The following FAM163A variants were observed in gnomAD, a reference collection of about 807,000 sequenced individuals.
FAM163A encodes the protein family with sequence similarity 163 member A.
Under a neutral mutation model 12.0 loss-of-function variants are expected in FAM163A, and 7 were observed. The ratio of observed to expected loss-of-function variants is 0.58; its 90% CI spans 0.33 to 1.10. The LOEUF is 1.10. Ranked by LOEUF, FAM163A falls within the 50% of genes least tolerant of loss-of-function variation. FAM163A has a pLI of 0.03. For synonymous variants in FAM163A, 101 were observed against 91.0 expected (o/e 1.11, Z -0.62); for missense variants, 202 against 218.6 (o/e 0.92, Z 0.48).
intron 1 of FAM163A, among the ~76,000 whole-genome samples, chr1:179,782,164 A>G (rs562946016): frequency 1.5e-4 from 23 of 152,254 alleles, no homozygotes; most frequent in Non-Finnish European, 2.9e-4. Context: ...AGCATGCCGG[A>G]CAAGGACCAG....
intron 1 of FAM163A, among the ~76,000 whole-genome samples, chr1:179,781,920 C>A (rs1214459295): frequency 8.5e-6 from 1 of 117,962 alleles, no homozygotes; most frequent in Admixed American, 1.1e-4. Context: ...GGCAACAGAG[C>A]AAGAATCCGT....
chr1:179,746,865 G>C (rs1397023430), intron 1 of FAM163A, among the ~76,000 whole-genome samples: 1 of 152,160 alleles, frequency 6.6e-6, no homozygotes, highest in Non-Finnish European at 1.5e-5. Context: ...GTATTCCTTT[G>C]AAATATACAG....
chr1:179,782,299 T>C (rs915601969), intron 1 of FAM163A, among the ~76,000 whole-genome samples: 9 of 151,968 alleles, frequency 5.9e-5, no homozygotes, highest in African/African-American at 2.2e-4. Context: ...CTGGGACTCA[T>C]TGAATTAGCC....
At chr1:179,792,531 G>T in intron 1 of FAM163A, among the ~76,000 whole-genome samples, 1 of 152,092 alleles carries the variant, frequency 6.6e-6, no homozygotes, top group East Asian at 1.9e-4. Context: ...GATTATTAAT[G>T]TTACCTGTTT....
intron 1 of FAM163A, among the ~76,000 whole-genome samples, chr1:179,749,825 C>CTCCA (rs1410510275): frequency 1.3e-5 from 2 of 152,130 alleles, no homozygotes; most frequent in Non-Finnish European, 2.9e-5. Context: ...TGCCACTGCG[C>CTCCA]TCCAGCCTGG....
At chr1:179,769,285 A>G (rs563712330) in intron 1 of FAM163A, among the ~76,000 whole-genome samples, 1 of 151,908 alleles carries the variant, frequency 6.6e-6, no homozygotes, top group East Asian at 1.9e-4. Context: ...AGCTGAGACC[A>G]CAGTTGCATG....
chr1:179,783,303 G>C (rs556946881), intron 1 of FAM163A, among the ~76,000 whole-genome samples: 1 of 152,226 alleles, frequency 6.6e-6, no homozygotes, highest in South Asian at 2.1e-4. Flanking sequence ...GTTGATTACT[G>C]TTAATAACTA....
At chr1:179,780,306 T>C (rs1327202776) in intron 1 of FAM163A, among the ~76,000 whole-genome samples, 3 of 152,212 alleles carry the variant, frequency 2.0e-5, no homozygotes, top group Non-Finnish European at 4.4e-5. Flanking sequence ...TGCAAGCACA[T>C]TAAGGAATTA....
the FAM163A span, among the ~76,000 whole-genome samples, chr1:179,736,419 TA>T: frequency 6.6e-6 from 1 of 151,656 alleles, no homozygotes; most frequent in Non-Finnish European, 1.5e-5. Context: ...AAATGGTATA[TA>T]AAAAAGTGTT....
At chr1:179,755,893 T>A (rs1281435385) in intron 1 of FAM163A, among the ~76,000 whole-genome samples, 2 of 152,160 alleles carry the variant, frequency 1.3e-5, no homozygotes, top group South Asian at 2.1e-4. Flanking sequence ...AGAGGACCAT[T>A]CCCCACCTCT....
chr1:179,791,208 GTGTCGGCAGTAACAC>G (rs2148249179), intron 1 of FAM163A, among the ~76,000 whole-genome samples: 1 of 152,270 alleles, frequency 6.6e-6, no homozygotes, highest in African/African-American at 2.4e-5. Context: ...TGAGACTTCA[GTGTCGGCAGTAACAC>G]TGCCGACTGG....
chr1:179,738,950 G>A (rs1478959981), upstream of FAM163A, among the ~76,000 whole-genome samples: 1 of 152,134 alleles, frequency 6.6e-6, no homozygotes, highest in East Asian at 1.9e-4. Flanking sequence ...AAGACTGTAT[G>A]GTATTGGTGG....
chr1:179,752,652 T>C (rs1191518148), intron 1 of FAM163A, among the ~76,000 whole-genome samples: 1 of 152,178 alleles, frequency 6.6e-6, no homozygotes, highest in African/African-American at 2.4e-5. Flanking sequence ...GATAGATATT[T>C]CTTCAAAGAA....
chr1:179,776,111 G>A (rs1280462193), intron 1 of FAM163A, among the ~76,000 whole-genome samples: 1 of 152,100 alleles, frequency 6.6e-6, no homozygotes, highest in Admixed American at 6.5e-5. Context: ...TCTAGTCAAC[G>A]AGTCAGCATT....
chr1:179,766,016 C>G (rs1687451480), intron 1 of FAM163A, among the ~76,000 whole-genome samples: 1 of 152,176 alleles, frequency 6.6e-6, no homozygotes, highest in Non-Finnish European at 1.5e-5. Context: ...ATGGACAAAA[C>G]TGTCCCAAAC....
At chr1:179,802,656 A>C (rs1571558335) in intron 1 of FAM163A, among the ~76,000 whole-genome samples, 1 of 151,868 alleles carries the variant, frequency 6.6e-6, no homozygotes, top group Admixed American at 6.6e-5. Context: ...GTACCAGGTC[A>C]CTCCCTCAGT....
At chr1:179,790,419 A>G (rs1691288477) in intron 1 of FAM163A, among the ~76,000 whole-genome samples, 1 of 152,068 alleles carries the variant, frequency 6.6e-6, no homozygotes. Flanking sequence ...ACAGCTTATA[A>G]GGAGGGGAGC....
the FAM163A span, among the ~76,000 whole-genome samples, chr1:179,737,230 A>G: frequency 6.6e-6 from 1 of 152,234 alleles, no homozygotes; most frequent in Non-Finnish European, 1.5e-5. Flanking sequence ...GAAGGAGATG[A>G]TGCTAAGTGA....
rs1273970601 is a variant in FAM163A, at chr1:179,815,109, G to GCGCGCGCGCACACA, written c.*921_*922insGCGCGCGCACACAC. On this transcript the variant is annotated 3_prime_UTR_variant, in exon 5 of 5. Coordinates refer to ENST00000341785, the MANE Select transcript of FAM163A (RefSeq NM_173509.3). Reference sequence around the variant, plus strand: ...CAGGTGTACGCACGCGCGCGCGCGCGCACAGACACACACACACACACACAC... The same window carrying GCGCGCGCGCACACA: ...CAGGTGTACGCACGCGCGCGCGCGCGCGCGCGCGCACACACACAGACACACACACACACACACAC... 7 of 67,310 alleles carry GCGCGCGCGCACACA rather than the reference G, an allele frequency of 1.0e-4. No homozygotes were observed. Among genetic ancestry groups the GCGCGCGCGCACACA allele is most frequent in the African/African-American group, 4.4e-4 (7 of 15,856 alleles). The allele number at this position is 67,310 out of a possible 1,614,324, so 4.2% of individuals were successfully genotyped here.
Sources: gnomAD v4.1 joint callset for allele counts (sites outside exome capture counted in the v4.1 genomes callset) on GRCh38, gnomAD v4.1.1 for gene constraint, MANE v1.5 for transcripts, NCBI Gene and HGNC (gene_info 2026-07-23, HGNC 2026-07-21) for gene names.